CNOT7: variants seen among roughly 807,000 people sequenced by gnomAD.
CNOT7 encodes the protein BTG1-binding factor 1.
In CNOT7, 4 loss-of-function variants were observed where a neutral mutation model predicts 37.1. The ratio of observed to expected loss-of-function variants is 0.11; its 90% CI spans 0.05 to 0.25. CNOT7 has a LOEUF of 0.25. Among genes scored for constraint, CNOT7 ranks in the 10% least tolerant of loss-of-function variants. The probability of loss-of-function intolerance (pLI) is 1.00; values close to 1 mark genes in which losing one functional copy is unlikely to be tolerated. For synonymous variants in CNOT7, 128 were observed against 115.6 expected, an observed-to-expected ratio of 1.11 and a Z score of -0.69; for missense variants, 170 against 336.2, an observed-to-expected ratio of 0.51 and a Z score of 3.87.
chr8:17,232,371 T>G lies in CNOT7; in HGVS notation c.729+56A>C, dbSNP rs377036115. Reference sequence around the variant, plus strand: ...TGCCCAAAATCTTTGGCCACAAGATTTTTAATGTTCTCAACCTAACAACCA... The same window carrying G: ...TGCCCAAAATCTTTGGCCACAAGATGTTTAATGTTCTCAACCTAACAACCA... On this transcript the variant is annotated intron_variant, in intron 6 of 6. Transcript: ENST00000361272. 1.6e-5 allele frequency: 25 copies of G among 1,611,192 alleles called. No individual in the cohort carries two copies. In the African/African-American group the frequency reaches 2.8e-4, roughly 18 times the overall value.
In CNOT7 at chr8:17,241,516, CTT is replaced by C. The variant is rs1204504395; in HGVS notation, c.311+1474_311+1475del. 7.9e-5 allele frequency: 12 copies of C among 152,244 alleles called. No homozygotes were observed. The East Asian group carries it at 2.3e-3, about 29-fold the overall frequency. The allele number at this position is 152,244 out of a possible 1,614,324, so 9.4% of individuals were successfully genotyped here. ...TCGTAAAATTGTGTATACTAAATAT[CTT>C]TGTTTATCTGACAAAGAACAGGAAG... On this transcript the variant is annotated intron_variant, in intron 3 of 6. Transcript: ENST00000361272.
At position 17,228,347 on chromosome 8, in the gene CNOT7, T is replaced by A. The variant is rs558898576; in HGVS notation, c.*2373A>T. ...CTAGACTTTACAAACATTGAGACTG[T>A]CTGGAACAAAATAAAAAAGTAAAAC... On this transcript the variant is annotated 3_prime_UTR_variant, in exon 7 of 7. Transcript: ENST00000361272. 1 of 152,018 alleles carries A rather than the reference T, an allele frequency of 6.6e-6. No homozygotes were observed. The highest frequency in any genetic ancestry group is 2.4e-5 in the African/African-American group (1 of 41,538). The allele number at this position is 152,018 out of a possible 1,614,324, so 9.4% of individuals were successfully genotyped here. A position where few individuals can be genotyped will look rare whatever the true frequency, so the allele number is the denominator to read the frequency against.
At chr8:17,232,583 G>A (rs185726847) in intron 5 of CNOT7, 46 bp from the exon 6 acceptor site, 5 of 1,544,764 alleles carry the variant, frequency 3.2e-6, no homozygotes, top group Middle Eastern at 1.7e-4. Flanking sequence ...AATCTTACAA[G>A]GCCTAAATTC....
chr8:17,227,078 G>C lies in CNOT7; in HGVS notation c.*3642C>G, dbSNP rs1808207428. ...ACAAGAGCAAATGAAGTTAACTGTT[G>C]ACCAGTTCAGTAACACCAATATTTC... On this transcript the variant is annotated 3_prime_UTR_variant, in exon 7 of 7. Coordinates refer to ENST00000361272, the MANE Select transcript of CNOT7 (RefSeq NM_013354.7). 6.6e-6 allele frequency: 1 copy of C among 151,456 alleles called. No individual in the cohort carries two copies. Among genetic ancestry groups the C allele is most frequent in the Non-Finnish European group, 1.5e-5 (1 of 67,744 alleles). 9.4% of individuals were successfully genotyped at this position (151,456 alleles called of 1,614,324 possible). A position where few individuals can be genotyped will look rare whatever the true frequency, so the allele number is the denominator to read the frequency against.
At chr8:17,234,658 T>A in intron 5 of CNOT7, 58 bp downstream of exon 5, 1 of 1,571,656 alleles carries the variant, frequency 6.4e-7, no homozygotes, top group Non-Finnish European at 8.8e-7. Flanking sequence ...TAGGCTCGCA[T>A]GACAGTCACT....
chr8:17,243,568 G>GCCCT (rs1810483741), intron 2 of CNOT7: 1 of 462,278 alleles, frequency 2.2e-6, no homozygotes, highest in Non-Finnish European at 4.3e-6. Flanking sequence ...AGGGGAAAAC[G>GCCCT]CCCTGTACTT....
chr8:17,237,437 G>T, intron 3 of CNOT7, 64 bp from the exon 4 acceptor site: 2 of 1,481,726 alleles, frequency 1.3e-6, no homozygotes, highest in Non-Finnish European at 1.9e-6. Flanking sequence ...CTGTTCTTCT[G>T]CTTACATCTA....
At chr8:17,243,623 C>G (rs770151419) in intron 2 of CNOT7, 17 of 457,022 alleles carry the variant, frequency 3.7e-5, no homozygotes, top group African/African-American at 2.2e-4. Flanking sequence ...CACCAAAACC[C>G]TAAGAAAAAC....
Position 17,227,548 on chromosome 8 carries a change from T to C in CNOT7, c.*3172A>G, listed in dbSNP as rs1017429417. On this transcript the variant is annotated 3_prime_UTR_variant, in exon 7 of 7. Transcript: ENST00000361272. ...GTAATTCAGCATTAGTAAATGGTTT[T>C]CTTTGCTTGGCTAACAAATAGGCTA... 6.6e-6 allele frequency: 1 copy of C among 151,940 alleles called. No individual in the cohort carries two copies. The highest frequency in any genetic ancestry group is 2.4e-5 in the African/African-American group (1 of 41,424). 9.4% of individuals were successfully genotyped at this position (151,940 alleles called of 1,614,324 possible).
chr8:17,234,611 A>G lies in CNOT7; in HGVS notation c.618+105T>C, dbSNP rs1282015170. The G allele has an allele frequency of 5.1e-6, 6 of 1,182,718 alleles. No homozygotes were observed. In the South Asian group the frequency reaches 7.5e-5, roughly 15 times the overall value. 73.3% of individuals were successfully genotyped at this position (1,182,718 alleles called of 1,614,324 possible). On this transcript the variant is annotated intron_variant, in intron 5 of 6. Transcript: ENST00000361272. Reference sequence around the variant, plus strand: ...CAGATAATATAATTGCATTCACTGTAATACTTTAAAATATGGTTTAAAACA... The same window carrying G: ...CAGATAATATAATTGCATTCACTGTGATACTTTAAAATATGGTTTAAAACA...
At chr8:17,231,244 A>G (rs1413503877) in intron 6 of CNOT7, among the ~76,000 whole-genome samples, 2 of 152,154 alleles carry the variant, frequency 1.3e-5, no homozygotes, top group Non-Finnish European at 1.5e-5. Context: ...TGAGCTGGCT[A>G]TAAATGATCA....
rs1226040058 is a variant in CNOT7, at chr8:17,227,963, C to G, written c.*2757G>C. 6.6e-6 allele frequency: 1 copy of G among 151,908 alleles called. No individual in the cohort carries two copies. The highest frequency in any genetic ancestry group is 1.5e-5 in the Non-Finnish European group (1 of 67,834). 9.4% of individuals were successfully genotyped at this position (151,908 alleles called of 1,614,324 possible). On this transcript the variant is annotated 3_prime_UTR_variant, in exon 7 of 7. Coordinates refer to ENST00000361272, the MANE Select transcript of CNOT7 (RefSeq NM_013354.7). Reference sequence around the variant, plus strand: ...TAGCTTGCCAAGCGGCAATGTGAAACAAGACACACATACACAGGTTCTGTA... The same window carrying G: ...TAGCTTGCCAAGCGGCAATGTGAAAGAAGACACACATACACAGGTTCTGTA...
At position 17,230,067 on chromosome 8, in the gene CNOT7, G is replaced by A. The variant is rs1286135661; in HGVS notation, c.*653C>T. On this transcript the variant is annotated 3_prime_UTR_variant, in exon 7 of 7. Coordinates refer to ENST00000361272, the MANE Select transcript of CNOT7 (RefSeq NM_013354.7). ...TTAGAAACTGACAGACACTAGATGT[G>A]CTTGGAAGATTAAACACTACGTACA... 2 of 152,380 alleles carry A rather than the reference G, an allele frequency of 1.3e-5. No homozygotes were observed. Among genetic ancestry groups the A allele is most frequent in the Non-Finnish European group, 2.9e-5 (2 of 67,898 alleles). The allele number at this position is 152,380 out of a possible 1,614,324, so 9.4% of individuals were successfully genotyped here. A position where few individuals can be genotyped will look rare whatever the true frequency, so the allele number is the denominator to read the frequency against.
rs1367648929 is a variant in CNOT7, at chr8:17,228,060, C to T, written c.*2660G>A. ...ATATGTAAATTAGTGTGGCTGCATT[C>T]CAATAAAAACTTATAGACACTAAAA... On this transcript the variant is annotated 3_prime_UTR_variant, in exon 7 of 7. Coordinates refer to ENST00000361272, the MANE Select transcript of CNOT7 (RefSeq NM_013354.7). 6.6e-6 allele frequency: 1 copy of T among 151,836 alleles called. No homozygotes were observed. Among genetic ancestry groups the T allele is most frequent in the African/African-American group, 2.4e-5 (1 of 41,418 alleles). The allele number at this position is 151,836 out of a possible 1,614,324, so 9.4% of individuals were successfully genotyped here.
chr8:17,244,815 A>T (rs1810673070), intron 2 of CNOT7: 1 of 454,906 alleles, frequency 2.2e-6, no homozygotes. Flanking sequence ...GGTTCCCATG[A>T]ATTCCAGTGC....
intron 4 of CNOT7, among the ~76,000 whole-genome samples, chr8:17,236,320 T>C (rs1417605910): frequency 6.6e-6 from 1 of 152,218 alleles, no homozygotes; most frequent in Non-Finnish European, 1.5e-5. Flanking sequence ...TGTAACACAA[T>C]GCTTTTTCAA....
chr8:17,236,445 C>T (rs545985988), intron 4 of CNOT7, among the ~76,000 whole-genome samples: 2 of 152,256 alleles, frequency 1.3e-5, no homozygotes, highest in South Asian at 2.1e-4. Context: ...TTCACAAAAT[C>T]GGAATAGTTT....
At chr8:17,246,403 G>T (rs1246489246) in intron 1 of CNOT7, 1 of 152,952 alleles carries the variant, frequency 6.5e-6, no homozygotes, top group Non-Finnish European at 1.5e-5. Context: ...ATACGAAGAG[G>T]TGAGGATCTA....
intron 2 of CNOT7, 27 bp from the exon 3 acceptor site, chr8:17,243,212 T>C (rs760535936): frequency 1.9e-5 from 29 of 1,536,620 alleles, no homozygotes; most frequent in East Asian, 9.1e-5. Flanking sequence ...AGATTCATTA[T>C]GTACTAAACA....
Sources: gnomAD v4.1 joint callset for allele counts (sites outside exome capture counted in the v4.1 genomes callset) on GRCh38, gnomAD v4.1.1 for gene constraint, MANE v1.5 for transcripts, NCBI Gene and HGNC (gene_info 2026-07-23, HGNC 2026-07-21) for gene names.